The following PPFIA2 variants were observed in gnomAD, a reference collection of about 807,000 sequenced individuals.
PPFIA2 encodes the protein liprin-alpha-2.
In PPFIA2, 46 loss-of-function variants were observed where a neutral mutation model predicts 175.5. The observed-to-expected ratio is 0.26, with a 90% confidence interval of 0.21 to 0.34. The LOEUF (loss-of-function observed/expected upper bound fraction) is 0.34, where lower values mean the gene tolerates loss of function less well. PPFIA2 is among the 10% of genes least tolerant of loss of function. The pLI is 1.00. For missense variants in PPFIA2, 1,179 were observed against 1,506.1 expected (o/e 0.78, Z 3.60); for synonymous variants, 568 against 511.4 (o/e 1.11, Z -1.49).
At chr12:81,321,348 G>C (rs779183405) in intron 22 of PPFIA2, among the ~76,000 whole-genome samples, 1 of 152,018 alleles carries the variant, frequency 6.6e-6, no homozygotes, top group African/African-American at 2.4e-5. Flanking sequence ...GGGGAGAAAA[G>C]TAAGAAATTT....
intron 28 of PPFIA2, among the ~76,000 whole-genome samples, chr12:81,271,644 T>TTA (rs1391179976): frequency 1.2e-4 from 19 of 152,218 alleles, no homozygotes; most frequent in Non-Finnish European, 2.5e-4. Flanking sequence ...TATGTGTTCT[T>TTA]ATTAGAGTCT....
At chr12:81,303,538 A>T (rs1484759978) in intron 22 of PPFIA2, among the ~76,000 whole-genome samples, 1 of 152,210 alleles carries the variant, frequency 6.6e-6, no homozygotes, top group East Asian at 1.9e-4. Context: ...CATTTTCAAG[A>T]AACACTCTTC....
At position 81,375,823 on chromosome 12, in the gene PPFIA2, T is replaced by C; in HGVS notation, c.1104A>G (p.Leu368=). 2.5e-6 allele frequency: 4 copies of C among 1,609,834 alleles called. No homozygotes were observed. The highest frequency in any genetic ancestry group is 3.4e-6 in the Non-Finnish European group (4 of 1,176,462). ...HDMNDKLENE[L]ANKEAILRQM... is the part of the protein sequence containing the mutation. The stretch of plus-strand genomic sequence containing the variant: ...GCCGCAGGATAGCTTCTTTATTTGC[T>C]AACTCATTTTCTAGTTTATCATTCA... Residue 368 remains leucine (L), a synonymous_variant, in exon 10 of 33, where the codon TTA becomes TTG. Coordinates refer to ENST00000549396, the MANE Select transcript of PPFIA2 (RefSeq NM_003625.5).
intron 21 of PPFIA2, among the ~76,000 whole-genome samples, chr12:81,332,030 T>C (rs1404361774): frequency 2.0e-5 from 3 of 152,118 alleles, no homozygotes; most frequent in African/African-American, 7.2e-5. Context: ...AAATAGTAAA[T>C]GTTTAAATAT....
chr12:81,375,870 C>G lies in PPFIA2; in HGVS notation c.1057G>C (p.Glu353Gln). 1 of 1,610,650 alleles carries G rather than the reference C, an allele frequency of 6.2e-7. No homozygotes were observed. Among genetic ancestry groups the G allele is most frequent in the Non-Finnish European group, 8.5e-7 (1 of 1,176,994 alleles). Residue 353 changes from glutamate to glutamine, a missense_variant, in exon 10 of 33, where the codon GAA becomes CAA. Transcript: ENST00000549396. The part of the protein sequence containing the change: ...LEKRYLSAQR[E>Q]STSIHDMNDK... ...TTCATGTCATGTATGGAGGTAGATT[C>G]TCTCTGAGCACTGAGGTAACGCTTT... is the stretch of plus-strand genomic sequence containing the variant.
At chr12:81,606,937 T>C (rs2060385694) in intron 4 of PPFIA2, among the ~76,000 whole-genome samples, 2 of 152,130 alleles carry the variant, frequency 1.3e-5, no homozygotes, top group Non-Finnish European at 2.9e-5. Flanking sequence ...AGGATTTCTA[T>C]AGTTTGATGT....
chr12:81,385,860 C>T (rs1422735272), intron 8 of PPFIA2, among the ~76,000 whole-genome samples: 1 of 151,988 alleles, frequency 6.6e-6, no homozygotes, highest in African/African-American at 2.4e-5. Context: ...GTGCTCTCAC[C>T]ACAAAAATGA....
At position 81,513,239 on chromosome 12, in the gene PPFIA2, G is replaced by A. The variant is rs2062008668; in HGVS notation, c.304-55373C>T. Reference sequence around the variant, plus strand: ...TGCAGGGATGTACATAATTTAAAAAGTCAAAAAACAATATATGTTGGCATG... The same window carrying A: ...TGCAGGGATGTACATAATTTAAAAAATCAAAAAACAATATATGTTGGCATG... On this transcript the variant is annotated intron_variant, in intron 4 of 32. Transcript: ENST00000549396. Among the ~76,000 whole-genome samples, 6 of 151,842 alleles carry A rather than the reference G, an allele frequency of 4.0e-5. No individual in the cohort carries two copies. In the South Asian group the frequency reaches 1.0e-3, roughly 26 times the overall value.
intron 22 of PPFIA2, chr12:81,311,997 G>T (rs1194978658): frequency 3.1e-6 from 2 of 637,864 alleles, no homozygotes; most frequent in African/African-American, 1.8e-5. Flanking sequence ...CTGAACCAAT[G>T]ATTCCTTTTA....
intron 3 of PPFIA2, among the ~76,000 whole-genome samples, chr12:81,745,199 T>C (rs115735521): frequency 0.023 from 3,545 of 152,266 alleles, 60 homozygotes; most frequent in African/African-American, 0.044. Flanking sequence ...ATAGTTTTGG[T>C]TTGAAATAGG....
intron 4 of PPFIA2, among the ~76,000 whole-genome samples, chr12:81,564,804 G>A (rs1442793695): frequency 3.3e-5 from 5 of 152,180 alleles, no homozygotes; most frequent in African/African-American, 7.2e-5. Flanking sequence ...GCTAACTCCC[G>A]GCTTCAAAAG....
chr12:81,434,171 G>T (rs2048581897), intron 7 of PPFIA2, among the ~76,000 whole-genome samples: 2 of 151,924 alleles, frequency 1.3e-5, no homozygotes, highest in Non-Finnish European at 2.9e-5. Context: ...GAATCTGTAG[G>T]TTAGGAACAC....
At position 81,445,840 on chromosome 12, in the gene PPFIA2, A is replaced by T. The variant is rs1486359187; in HGVS notation, c.406-120T>A. 3 of 875,370 alleles carry T rather than the reference A, an allele frequency of 3.4e-6. No homozygotes were observed. The African/African-American group carries it at 5.1e-5, about 15-fold the overall frequency. The allele number at this position is 875,370 out of a possible 1,614,324, so 54.2% of individuals were successfully genotyped here. A position where few individuals can be genotyped will look rare whatever the true frequency, so the allele number is the denominator to read the frequency against. On this transcript the variant is annotated intron_variant, in intron 5 of 32. Transcript: ENST00000549396. ...GTATCTAATGTTAGCTGCAGGTTAC[A>T]CTGCAAGCAGCAACAAAGAAGCACA...
intron 4 of PPFIA2, among the ~76,000 whole-genome samples, chr12:81,481,208 A>G (rs1446044252): frequency 6.6e-6 from 1 of 152,220 alleles, no homozygotes; most frequent in African/African-American, 2.4e-5. Context: ...CTCTTCAACT[A>G]GAACTACAAA....
chr12:81,410,809 C>A (rs1021786201), intron 7 of PPFIA2, among the ~76,000 whole-genome samples: 10 of 152,030 alleles, frequency 6.6e-5, no homozygotes, highest in Admixed American at 6.6e-4. Flanking sequence ...AAACGATTCT[C>A]TCTATCTACT....
chr12:81,677,091 G>T (rs2072678732), intron 3 of PPFIA2, among the ~76,000 whole-genome samples: 2 of 151,816 alleles, frequency 1.3e-5, no homozygotes, highest in Admixed American at 6.6e-5. Flanking sequence ...ATATGCAGAA[G>T]TTTCATCTTT....
chr12:81,396,923 GGA>G (rs1340654108), intron 8 of PPFIA2, among the ~76,000 whole-genome samples: 3 of 151,972 alleles, frequency 2.0e-5, no homozygotes, highest in South Asian at 4.1e-4. Context: ...TAGTTGGATG[GGA>G]GGTGTGAGAC....
At chr12:81,510,742 T>C (rs1594245756) in intron 4 of PPFIA2, among the ~76,000 whole-genome samples, 1 of 152,092 alleles carries the variant, frequency 6.6e-6, no homozygotes, top group Admixed American at 6.6e-5. Flanking sequence ...AAAAAATTAA[T>C]ATAGTGATGT....
chr12:81,630,578 T>C (rs1327903088), intron 4 of PPFIA2, among the ~76,000 whole-genome samples: 1 of 152,150 alleles, frequency 6.6e-6, no homozygotes, highest in East Asian at 1.9e-4. Context: ...TGGACTCTGA[T>C]ATAATCAGCT....
Sources: allele counts gnomAD v4.1 joint callset (sites outside exome capture counted in the v4.1 genomes callset), GRCh38; gene constraint gnomAD v4.1.1; transcripts MANE v1.5; gene names NCBI Gene and HGNC (gene_info 2026-07-23, HGNC 2026-07-21).